PANX1: variants seen among roughly 807,000 people sequenced by gnomAD.
PANX1 encodes pannexin-1.
PANX1 carries 30 observed loss-of-function variants against 38.7 expected under a neutral mutation model. The observed-to-expected ratio is 0.78, with a 90% CI of 0.58 to 1.05. PANX1 has a LOEUF of 1.05. Ranked by LOEUF, PANX1 falls within the 50% of genes least tolerant of loss-of-function variation. The probability of loss-of-function intolerance (pLI) is 0.00; values close to 1 mark genes in which losing one functional copy is unlikely to be tolerated. For synonymous variants in PANX1, 230 were observed against 212.2 expected (o/e 1.08, Z -0.73); for missense variants, 551 against 517.2 (o/e 1.07, Z -0.63).
chr11:94,180,699 G>A, intron 4 of PANX1, 91 bp from the exon 5 acceptor site: 1 of 739,056 alleles, frequency 1.4e-6, no homozygotes, highest in Non-Finnish European at 2.4e-6. Context: ...GGTATAGACT[G>A]TGAGAGGAAT....
chr11:94,167,201 G>C (rs1431962764), intron 2 of PANX1, among the ~76,000 whole-genome samples: 1 of 152,128 alleles, frequency 6.6e-6, no homozygotes, highest in Non-Finnish European at 1.5e-5. Context: ...CAAGCACACG[G>C]ATTCTTCTCC....
At chr11:94,159,601 C>T (rs1591517312) in intron 2 of PANX1, among the ~76,000 whole-genome samples, 2 of 152,098 alleles carry the variant, frequency 1.3e-5, no homozygotes. Flanking sequence ...TTTATTGCGT[C>T]TATTTGATTC....
intron 2 of PANX1, among the ~76,000 whole-genome samples, chr11:94,156,012 T>C (rs1946945018): frequency 6.6e-6 from 1 of 152,146 alleles, no homozygotes; most frequent in African/African-American, 2.4e-5. Flanking sequence ...CTCATGAAAA[T>C]AGAGAGTTTT....
chr11:94,148,105 C>T (rs1019432785), intron 1 of PANX1, among the ~76,000 whole-genome samples: 4 of 151,976 alleles, frequency 2.6e-5, no homozygotes, highest in African/African-American at 7.3e-5. Context: ...GTTTGGGCTG[C>T]GGAGGGTACT....
chr11:94,155,057 T>G (rs1361349040), intron 2 of PANX1, among the ~76,000 whole-genome samples: 1 of 151,970 alleles, frequency 6.6e-6, no homozygotes, highest in East Asian at 1.9e-4. Context: ...AATACAAAAA[T>G]TAACCAGGCG....
intron 1 of PANX1, among the ~76,000 whole-genome samples, chr11:94,130,218 C>CAG (rs1946612053): frequency 6.6e-6 from 1 of 152,042 alleles, no homozygotes; most frequent in Admixed American, 6.5e-5. Context: ...TATGAACCAA[C>CAG]AGGAAGGTAG....
chr11:94,173,603 C>T (rs1947194283), intron 2 of PANX1, among the ~76,000 whole-genome samples: 1 of 151,556 alleles, frequency 6.6e-6, no homozygotes, highest in Admixed American at 6.6e-5. Context: ...TTTTCCGTCC[C>T]CCTCTTCTGT....
At chr11:94,173,805 G>A (rs1227532544) in intron 2 of PANX1, among the ~76,000 whole-genome samples, 1 of 151,722 alleles carries the variant, frequency 6.6e-6, no homozygotes, top group African/African-American at 2.4e-5. Context: ...TATGGTGTGG[G>A]AATTTGTGGC....
At chr11:94,156,042 T>G (rs1946945240) in intron 2 of PANX1, among the ~76,000 whole-genome samples, 2 of 142,300 alleles carry the variant, frequency 1.4e-5, no homozygotes, top group African/African-American at 5.5e-5. Context: ...CTGGGCTGCC[T>G]TTGATGGATC....
Position 94,181,139 on chromosome 11 carries a change from C to G in PANX1, c.*270C>G, listed in dbSNP as rs1190327461. The G allele has an allele frequency of 2.4e-6, 1 of 412,584 alleles. No homozygotes were observed. The highest frequency in any genetic ancestry group is 4.4e-6 in the Non-Finnish European group (1 of 225,122). 25.6% of individuals were successfully genotyped at this position (412,584 alleles called of 1,614,324 possible). On this transcript the variant is annotated 3_prime_UTR_variant, in exon 5 of 5. Transcript: ENST00000227638. ...CCTCATCAAATGAAAAGCAGAAAGA[C>G]AAGAACAATTAGTCAAGAGCAGTAG...
chr11:94,143,084 T>G (rs186735584), intron 1 of PANX1, among the ~76,000 whole-genome samples: 94 of 152,376 alleles, frequency 6.2e-4, no homozygotes, highest in Admixed American at 2.4e-3. Flanking sequence ...TAAGTCCTTT[T>G]CATGTTGCCA....
chr11:94,150,434 C>A (rs759614487), intron 1 of PANX1, among the ~76,000 whole-genome samples: 35 of 152,198 alleles, frequency 2.3e-4, no homozygotes, highest in Non-Finnish European at 4.7e-4. Context: ...TCACGAAGAT[C>A]TAACGTGTTT....
At chr11:94,156,371 G>T (rs1468249378) in intron 2 of PANX1, among the ~76,000 whole-genome samples, 1 of 152,188 alleles carries the variant, frequency 6.6e-6, no homozygotes, top group Non-Finnish European at 1.5e-5. Flanking sequence ...TTGAATGGAG[G>T]TTTATCTAAG....
intron 2 of PANX1, among the ~76,000 whole-genome samples, chr11:94,160,650 G>A (rs1014440554): frequency 6.6e-6 from 1 of 152,164 alleles, no homozygotes; most frequent in Non-Finnish European, 1.5e-5. Context: ...CCTGAATACA[G>A]CACACTGATG....
intron 4 of PANX1, among the ~76,000 whole-genome samples, chr11:94,180,568 GTCTTA>G (rs1947294348): frequency 6.6e-6 from 1 of 151,966 alleles, no homozygotes; most frequent in Non-Finnish European, 1.5e-5. Flanking sequence ...GCTTATTTTT[GTCTTA>G]TCTTACTGGC....
chr11:94,131,984 A>T (rs1303634293), intron 1 of PANX1, among the ~76,000 whole-genome samples: 1 of 152,186 alleles, frequency 6.6e-6, no homozygotes, highest in Non-Finnish European at 1.5e-5. Context: ...CAGACTTAAA[A>T]CATGGCTTCA....
At chr11:94,130,170 C>G (rs934909001) in intron 1 of PANX1, among the ~76,000 whole-genome samples, 3 of 152,200 alleles carry the variant, frequency 2.0e-5, no homozygotes, top group African/African-American at 7.2e-5. Flanking sequence ...TTACCTTCCT[C>G]ATCAGCTGTT....
At chr11:94,151,652 G>A (rs1251975208) in intron 1 of PANX1, among the ~76,000 whole-genome samples, 1 of 152,194 alleles carries the variant, frequency 6.6e-6, no homozygotes, top group Admixed American at 6.5e-5. Context: ...GGAACCGTGT[G>A]AGCTTAGTGC....
intron 1 of PANX1, among the ~76,000 whole-genome samples, chr11:94,148,891 C>A (rs1327477517): frequency 6.6e-6 from 1 of 152,098 alleles, no homozygotes; most frequent in Non-Finnish European, 1.5e-5. Flanking sequence ...CCATTGCTGA[C>A]CTGATTTTCT....
Sources: gnomAD v4.1 joint callset for allele counts (sites outside exome capture counted in the v4.1 genomes callset) on GRCh38, gnomAD v4.1.1 for gene constraint, MANE v1.5 for transcripts, NCBI Gene and HGNC (gene_info 2026-07-23, HGNC 2026-07-21) for gene names.